Variants in CIMAP3 observed in about 807,000 individuals in gnomAD.
The protein encoded by CIMAP3 is ciliary microtubule associated protein 3, also known as ciliary microtubule-associated protein 3.
At chr1:111,351,911 G>A in the CIMAP3 span, 1 of 152,172 alleles carries the variant, frequency 6.6e-6, no homozygotes, top group African/African-American at 2.4e-5. Flanking sequence ...ATATACTGAG[G>A]TCCTACTATG....
At chr1:111,326,342 C>T in the CIMAP3 span, among the ~76,000 whole-genome samples, 1 of 152,266 alleles carries the variant, frequency 6.6e-6, no homozygotes, top group South Asian at 2.1e-4. Flanking sequence ...TACCATTCTA[C>T]TCTCTATTCT....
the CIMAP3 span, among the ~76,000 whole-genome samples, chr1:111,340,196 A>G: frequency 7.9e-5 from 12 of 151,998 alleles, no homozygotes; most frequent in African/African-American, 2.9e-4. Flanking sequence ...AACTTATACA[A>G]AAATCAATTC....
chr1:111,332,994 G>C, the CIMAP3 span, among the ~76,000 whole-genome samples: 1 of 152,224 alleles, frequency 6.6e-6, no homozygotes. Context: ...GCACTGGACA[G>C]GACAAGGGCC....
At chr1:111,335,824 G>A in the CIMAP3 span, among the ~76,000 whole-genome samples, 1,204 of 152,356 alleles carry the variant, frequency 7.9e-3, 16 homozygotes, top group African/African-American at 0.027. Flanking sequence ...AAATGTCCCT[G>A]TCTGACAGCT....
chr1:111,340,026 GA>G, the CIMAP3 span, among the ~76,000 whole-genome samples: 1 of 151,794 alleles, frequency 6.6e-6, no homozygotes, highest in African/African-American at 2.4e-5. Context: ...CAATGGAACA[GA>G]ACAGAGCCCT....
chr1:111,330,160 C>A, the CIMAP3 span, among the ~76,000 whole-genome samples: 1 of 152,114 alleles, frequency 6.6e-6, no homozygotes, highest in South Asian at 2.1e-4. Flanking sequence ...TTGTTCCTAT[C>A]CATATTCTGA....
At chr1:111,346,476 C>A in the CIMAP3 span, 5 of 845,920 alleles carry the variant, frequency 5.9e-6, no homozygotes, top group Non-Finnish European at 9.0e-6. Flanking sequence ...ATCCCCTGGG[C>A]TTTGGGCTCC....
chr1:111,346,971 T>C, the CIMAP3 span: 1 of 1,613,874 alleles, frequency 6.2e-7, no homozygotes, highest in Non-Finnish European at 8.5e-7. Flanking sequence ...CTCACTTCCA[T>C]CCCCCGAATT....
chr1:111,327,192 T>C, the CIMAP3 span, among the ~76,000 whole-genome samples: 1 of 152,124 alleles, frequency 6.6e-6, no homozygotes, highest in South Asian at 2.1e-4. Flanking sequence ...TTTCCCTATG[T>C]TTTCTTCTAG....
the CIMAP3 span, chr1:111,346,948 A>G: frequency 1.2e-6 from 2 of 1,613,904 alleles, no homozygotes; most frequent in South Asian, 1.1e-5. Flanking sequence ...ATGTCAACAG[A>G]GGAAACTTTT....
chr1:111,344,776 A>C, the CIMAP3 span, among the ~76,000 whole-genome samples: 1 of 152,228 alleles, frequency 6.6e-6, no homozygotes, highest in African/African-American at 2.4e-5. Flanking sequence ...TATTAATGGA[A>C]GTAAAAATCA....
At chr1:111,331,507 T>C in the CIMAP3 span, among the ~76,000 whole-genome samples, 1 of 152,230 alleles carries the variant, frequency 6.6e-6, no homozygotes, top group Non-Finnish European at 1.5e-5. Context: ...GTATATTTAC[T>C]TCATTCATTG....
chr1:111,352,679 G>A, the CIMAP3 span: 1 of 152,154 alleles, frequency 6.6e-6, no homozygotes. Flanking sequence ...AGGATTAACT[G>A]TTATCACCTC....
chr1:111,350,138 C>A, the CIMAP3 span: 2 of 1,614,002 alleles, frequency 1.2e-6, no homozygotes, highest in Non-Finnish European at 1.7e-6. Flanking sequence ...AAGAAGCCAC[C>A]GCCAAAAATT....
At chr1:111,338,846 T>G in the CIMAP3 span, among the ~76,000 whole-genome samples, 1 of 152,154 alleles carries the variant, frequency 6.6e-6, no homozygotes, top group African/African-American at 2.4e-5. Context: ...CCTCCCTAAC[T>G]CATTTTATGA....
the CIMAP3 span, among the ~76,000 whole-genome samples, chr1:111,340,706 G>A: frequency 6.8e-3 from 1,037 of 151,928 alleles, 12 homozygotes; most frequent in African/African-American, 0.024. Context: ...TCAGGAAACA[G>A]CAAGGTGCTA....
At chr1:111,342,335 T>G in the CIMAP3 span, among the ~76,000 whole-genome samples, 1 of 152,216 alleles carries the variant, frequency 6.6e-6, no homozygotes, top group Non-Finnish European at 1.5e-5. Context: ...CTAAGTTCTG[T>G]ACATGAGTGG....
the CIMAP3 span, chr1:111,347,852 G>T: frequency 3.0e-6 from 3 of 1,010,082 alleles, no homozygotes; most frequent in Non-Finnish European, 3.1e-6. Flanking sequence ...AGCAAGAGGG[G>T]GGTGATCTAA....
chr1:111,341,154 C>A, the CIMAP3 span, among the ~76,000 whole-genome samples: 2 of 135,844 alleles, frequency 1.5e-5, no homozygotes, highest in South Asian at 2.3e-4. Context: ...GGGAACTGAA[C>A]AATGAGAACA....
Sources: gnomAD v4.1 joint callset for allele counts (sites outside exome capture counted in the v4.1 genomes callset) on GRCh38, gnomAD v4.1.1 for gene constraint, MANE v1.5 for transcripts, NCBI Gene and HGNC (gene_info 2026-07-23, HGNC 2026-07-21) for gene names.